ABCG2: variants seen among roughly 807,000 people sequenced by gnomAD.
The protein encoded by ABCG2 is ATP binding cassette subfamily G member 2 (JR blood group), also known as broad substrate specificity ATP-binding cassette transporter ABCG2.
ABCG2 carries 80 observed loss-of-function variants against 73.5 expected under a neutral mutation model. That is an observed-to-expected ratio of 1.09 (90% CI 0.91 to 1.31). The LOEUF (loss-of-function observed/expected upper bound fraction) is 1.31. ABCG2 is among the 50% of genes most tolerant of loss of function. ABCG2 has a pLI of 0.00. For synonymous variants in ABCG2, 269 were observed against 282.4 expected (o/e 0.95, Z 0.48); for missense variants, 796 against 786.2 (o/e 1.01, Z -0.15).
chr4:88,139,923 A>C lies in ABCG2; in HGVS notation c.73T>G (p.Ser25Ala). 6.2e-7 allele frequency: 1 copy of C among 1,614,148 alleles called. No homozygotes were observed. Among genetic ancestry groups the C allele is most frequent in the Non-Finnish European group, 8.5e-7 (1 of 1,180,006 alleles). The change falls in exon 2 of 16, where the codon TCC becomes GCC. Residue 25 changes from serine to alanine, a missense_variant. By Grantham distance (99) the Ser-to-Ala change is moderately conservative. Coordinates refer to ENST00000237612, the MANE Select transcript of ABCG2 (RefSeq NM_004827.3). ...TCAGTAAATGCCTTCAGGTCATTGGAAGCTGTCGCGGGGAAGCCATTGGTG... is the reference window on the plus strand; with the variant it reads ...TCAGTAAATGCCTTCAGGTCATTGGCAGCTGTCGCGGGGAAGCCATTGGTG... ...GNTNGFPATA[S>A]NDLKAFTEGA... is the part of the protein sequence containing the mutation.
intron 1 of ABCG2, among the ~76,000 whole-genome samples, chr4:88,183,006 AC>A (rs1728318508): frequency 1.3e-5 from 2 of 148,414 alleles, no homozygotes; most frequent in Non-Finnish European, 3.0e-5. Flanking sequence ...AATCACTTGA[AC>A]CCAGGAGGTG....
At chr4:88,186,934 A>T (rs1318059039) in intron 1 of ABCG2, among the ~76,000 whole-genome samples, 3 of 149,784 alleles carry the variant, frequency 2.0e-5, no homozygotes, top group Non-Finnish European at 4.4e-5. Context: ...AAAAAAAAAA[A>T]AAAAAAAATT....
At chr4:88,109,244 C>T (rs926961440) in intron 9 of ABCG2, among the ~76,000 whole-genome samples, 9 of 151,964 alleles carry the variant, frequency 5.9e-5, no homozygotes, top group South Asian at 2.1e-4. Flanking sequence ...ATGATCTGCC[C>T]GCCTTGGCCT....
At chr4:88,113,913 G>C (rs1215104948) in intron 8 of ABCG2, among the ~76,000 whole-genome samples, 1 of 152,014 alleles carries the variant, frequency 6.6e-6, no homozygotes, top group East Asian at 1.9e-4. Flanking sequence ...GCAGTGAGCT[G>C]AGATCACACC....
intron 1 of ABCG2, among the ~76,000 whole-genome samples, chr4:88,196,412 CTT>C (rs1486414722): frequency 1.3e-5 from 2 of 152,190 alleles, no homozygotes; most frequent in East Asian, 3.8e-4. Context: ...TCTGAGAACA[CTT>C]AACTACACTT....
intron 1 of ABCG2, among the ~76,000 whole-genome samples, chr4:88,211,199 C>A (rs1486793429): frequency 1.3e-5 from 2 of 151,926 alleles, no homozygotes; most frequent in African/African-American, 2.4e-5. Context: ...ACAAAAGCCA[C>A]TTTCATTGTG....
At chr4:88,182,216 G>A (rs1340849335) in intron 1 of ABCG2, among the ~76,000 whole-genome samples, 1 of 152,100 alleles carries the variant, frequency 6.6e-6, no homozygotes, top group African/African-American at 2.4e-5. Context: ...TTGTAAACAT[G>A]TATGTACCCA....
At chr4:88,189,818 C>T (rs1005629960) in intron 1 of ABCG2, among the ~76,000 whole-genome samples, 1 of 152,112 alleles carries the variant, frequency 6.6e-6, no homozygotes, top group African/African-American at 2.4e-5. Context: ...TAATCTTAAG[C>T]GAAAAACTTT....
At chr4:88,120,154 T>G (rs919537995) in intron 6 of ABCG2, among the ~76,000 whole-genome samples, 2 of 152,164 alleles carry the variant, frequency 1.3e-5, no homozygotes, top group Non-Finnish European at 2.9e-5. Context: ...AGCTTCCATG[T>G]GGTGTTAGGC....
At chr4:88,119,767 G>C (rs534246620) in intron 6 of ABCG2, among the ~76,000 whole-genome samples, 104 of 152,268 alleles carry the variant, frequency 6.8e-4, no homozygotes, top group African/African-American at 2.5e-3. Flanking sequence ...AAAGCATTCA[G>C]TTTTATTCAT....
At chr4:88,225,220 G>A (rs1730162237) in intron 1 of ABCG2, among the ~76,000 whole-genome samples, 1 of 152,178 alleles carries the variant, frequency 6.6e-6, no homozygotes, top group South Asian at 2.1e-4. Context: ...TGTATGGGCT[G>A]TGTCATGACT....
chr4:88,193,207 G>T (rs569095750), intron 1 of ABCG2, among the ~76,000 whole-genome samples: 3 of 152,128 alleles, frequency 2.0e-5, no homozygotes, highest in African/African-American at 7.2e-5. Flanking sequence ...TGGTATCTCA[G>T]AATAAATCTT....
intron 2 of ABCG2, among the ~76,000 whole-genome samples, chr4:88,137,096 G>A (rs1380217511): frequency 2.7e-5 from 4 of 149,262 alleles, no homozygotes; most frequent in Admixed American, 6.8e-5. Context: ...ATGAGAGACG[G>A]AGAGAGGGAA....
intron 10 of ABCG2, among the ~76,000 whole-genome samples, chr4:88,103,497 T>C (rs1560659375): frequency 6.6e-6 from 1 of 152,260 alleles, no homozygotes. Context: ...TACCAAGTTA[T>C]ATAATTCATG....
chr4:88,146,994 GA>G (rs1474122186), intron 1 of ABCG2, among the ~76,000 whole-genome samples: 3 of 115,002 alleles, frequency 2.6e-5, no homozygotes, highest in African/African-American at 1.1e-4. Context: ...GAAAAAGAAA[GA>G]AAGAAGAAAG....
At chr4:88,165,646 C>T (rs548526774) in intron 1 of ABCG2, among the ~76,000 whole-genome samples, 67 of 152,254 alleles carry the variant, frequency 4.4e-4, no homozygotes, top group African/African-American at 1.5e-3. Context: ...GAGGCCGAGG[C>T]GGGTGGATTA....
chr4:88,115,587 C>T (rs1381649450), intron 7 of ABCG2, among the ~76,000 whole-genome samples: 1 of 144,712 alleles, frequency 6.9e-6, no homozygotes, highest in Admixed American at 7.1e-5. Flanking sequence ...CCCAGCCTAT[C>T]ACACAATATT....
rs57417105 is a variant in ABCG2 at position 88,181,398 on chromosome 4, C to CA, written c.-19-41385dup. On this transcript the variant is annotated intron_variant, in intron 1 of 15. Transcript: ENST00000515655. ...CTGGTGACAGAGCAAGACTCCATCTCAAAAAAAAAAAAAAAAAAAAAAAAA... is the reference window on the plus strand; with the variant it reads ...CTGGTGACAGAGCAAGACTCCATCTCAAAAAAAAAAAAAAAAAAAAAAAAAA... Among the ~76,000 whole-genome samples the CA allele has an allele frequency of 1.7e-3, 167 of 96,830 alleles. 6 individuals carry two copies. The highest frequency in any genetic ancestry group is 0.014 in the South Asian group (41 of 2,880). The allele number at this position is 96,830 out of a possible 152,430, so 63.5% of individuals were successfully genotyped here. A position where few individuals can be genotyped will look rare whatever the true frequency, so the allele number is the denominator to read the frequency against.
At chr4:88,155,703 G>A (rs942787561) in intron 1 of ABCG2, among the ~76,000 whole-genome samples, 3 of 152,138 alleles carry the variant, frequency 2.0e-5, no homozygotes, top group African/African-American at 4.8e-5. Flanking sequence ...TCAGGAGTTC[G>A]AGACCAGCCT....
Sources: allele counts gnomAD v4.1 joint callset (sites outside exome capture counted in the v4.1 genomes callset), GRCh38; gene constraint gnomAD v4.1.1; transcripts MANE v1.5; gene names NCBI Gene and HGNC (gene_info 2026-07-23, HGNC 2026-07-21).